The following RAB31 variants were observed in gnomAD, a reference collection of about 807,000 sequenced individuals.
RAB31 encodes ras-related protein Rab-31.
A neutral mutation model predicts 25.6 loss-of-function variants in RAB31; 21 were observed. The observed-to-expected ratio is 0.82, with a 90% CI of 0.58 to 1.18. RAB31 has a LOEUF of 1.18. RAB31 is among the 50% of genes most tolerant of loss of function. The pLI, the probability that RAB31 is intolerant of heterozygous loss-of-function variation, is 0.00. For synonymous variants in RAB31, 87 were observed against 84.0 expected (o/e 1.04, Z -0.20); for missense variants, 196 against 250.1 (o/e 0.78, Z 1.46).
chr18:9,859,345 G>C lies in RAB31; in HGVS notation c.*20G>C. ...TGTTGACCCAAGGGCCGTGGTCCAC[G>C]GTACTTGAAGAAGCCAGAGCCCACA... is the stretch of plus-strand genomic sequence containing the variant. On this transcript the variant is annotated 3_prime_UTR_variant, in exon 7 of 7. Transcript: ENST00000578921. 1.3e-6 allele frequency: 2 copies of C among 1,588,746 alleles called. No individual in the cohort carries two copies. The highest frequency in any genetic ancestry group is 1.3e-5 in the African/African-American group (1 of 74,300).
intron 1 of RAB31, among the ~76,000 whole-genome samples, chr18:9,772,648 TG>T (rs951870008): frequency 4.6e-5 from 7 of 152,146 alleles, no homozygotes; most frequent in African/African-American, 1.7e-4. Flanking sequence ...ATTCCTAAAC[TG>T]TGATGGAGAA....
At chr18:9,743,880 T>C (rs1467893440) in intron 1 of RAB31, among the ~76,000 whole-genome samples, 1 of 152,212 alleles carries the variant, frequency 6.6e-6, no homozygotes, top group Admixed American at 6.5e-5. Flanking sequence ...TCTGTGCCTG[T>C]TGGGAAGATG....
chr18:9,826,057 C>T (rs996246661), intron 5 of RAB31, among the ~76,000 whole-genome samples: 4 of 152,212 alleles, frequency 2.6e-5, no homozygotes, highest in Middle Eastern at 3.4e-3. Context: ...AACCTGCACA[C>T]GTACCCCTCT....
At chr18:9,711,980 A>G (rs980918598) in intron 1 of RAB31, among the ~76,000 whole-genome samples, 2 of 151,814 alleles carry the variant, frequency 1.3e-5, no homozygotes, top group Non-Finnish European at 2.9e-5. Context: ...CCTGCTGGTC[A>G]CTCTTTGCTG....
chr18:9,838,529 T>C (rs1485519804), intron 5 of RAB31, among the ~76,000 whole-genome samples: 1 of 152,104 alleles, frequency 6.6e-6, no homozygotes, highest in Non-Finnish European at 1.5e-5. Context: ...TGTCTTCTAT[T>C]CCCCCAGCCA....
At chr18:9,762,523 G>C (rs1001768466) in intron 1 of RAB31, among the ~76,000 whole-genome samples, 1 of 152,140 alleles carries the variant, frequency 6.6e-6, no homozygotes, top group Admixed American at 6.5e-5. Context: ...AAAAAGACAG[G>C]TGCTTCCTTG....
intron 6 of RAB31, among the ~76,000 whole-genome samples, chr18:9,858,324 A>G (rs1287517594): frequency 6.6e-6 from 1 of 152,314 alleles, no homozygotes; most frequent in East Asian, 1.9e-4. Context: ...AATCTTTGAA[A>G]ACTGGGAGCT....
chr18:9,783,311 C>A (rs944067332), intron 2 of RAB31, among the ~76,000 whole-genome samples: 1 of 152,170 alleles, frequency 6.6e-6, no homozygotes, highest in Non-Finnish European at 1.5e-5. Context: ...GCTTCCTCTT[C>A]CTGGTTAGGC....
At chr18:9,816,828 T>C (rs375725461) in intron 5 of RAB31, among the ~76,000 whole-genome samples, 3 of 152,248 alleles carry the variant, frequency 2.0e-5, no homozygotes, top group East Asian at 3.8e-4. Flanking sequence ...TTCTAGTCGT[T>C]GATTTTCATA....
In RAB31 at chr18:9,859,244, C is replaced by T; in HGVS notation, c.507C>T (p.Pro169=). The change falls in exon 7 of 7, where the codon CCC becomes CCT. Residue 169 remains proline, a synonymous_variant. Transcript: ENST00000578921. ...LFQGISRQIP[P]LDPHENGNNG... is the part of the protein sequence containing the mutation. Reference sequence around the variant, plus strand: ...TTGTTGCAGGCCGCCAGATCCCACCCTTGGACCCCCATGAAAATGGAAACA... The same window carrying T: ...TTGTTGCAGGCCGCCAGATCCCACCTTTGGACCCCCATGAAAATGGAAACA... The T allele has an allele frequency of 1.2e-6, 2 of 1,613,792 alleles. No homozygotes were observed. Among genetic ancestry groups the T allele is most frequent in the Non-Finnish European group, 1.7e-6 (2 of 1,179,710 alleles).
chr18:9,814,194 C>T, intron 4 of RAB31, 103 bp downstream of exon 4: 2 of 787,304 alleles, frequency 2.5e-6, no homozygotes, highest in Admixed American at 2.1e-5. Context: ...CAGTAGCGTG[C>T]CACTATATAT....
At chr18:9,820,575 G>T (rs1418256395) in intron 5 of RAB31, among the ~76,000 whole-genome samples, 1 of 152,028 alleles carries the variant, frequency 6.6e-6, no homozygotes, top group Non-Finnish European at 1.5e-5. Flanking sequence ...GTGAAGGATT[G>T]ATGTCATTTC....
At chr18:9,837,905 A>G (rs1463173377) in intron 5 of RAB31, among the ~76,000 whole-genome samples, 1 of 152,186 alleles carries the variant, frequency 6.6e-6, no homozygotes, top group Middle Eastern at 3.2e-3. Flanking sequence ...TCTCCTGGGC[A>G]TAAAATGAAG....
At chr18:9,849,489 TATATA>T (rs1304248579) in intron 6 of RAB31, 1 of 152,250 alleles carries the variant, frequency 6.6e-6, no homozygotes, top group African/African-American at 2.4e-5. Flanking sequence ...TATTCACAAA[TATATA>T]CTGTACTCTT....
intron 5 of RAB31, chr18:9,816,109 C>T (rs2068597926): frequency 1.5e-5 from 2 of 134,094 alleles, no homozygotes; most frequent in African/African-American, 6.8e-5. Context: ...TCCTCCATCC[C>T]TGAGTGTCAT....
intron 6 of RAB31, among the ~76,000 whole-genome samples, chr18:9,847,879 T>G (rs2068769552): frequency 6.6e-6 from 1 of 152,134 alleles, no homozygotes; most frequent in Non-Finnish European, 1.5e-5. Flanking sequence ...TGGCTTGTAG[T>G]AATAACTTAA....
intron 1 of RAB31, among the ~76,000 whole-genome samples, chr18:9,723,903 C>T (rs1432587283): frequency 6.6e-6 from 1 of 152,200 alleles, no homozygotes; most frequent in African/African-American, 2.4e-5. Context: ...AACGCTATTA[C>T]ACTGGTGATC....
chr18:9,749,137 T>G (rs1019425358), intron 1 of RAB31, among the ~76,000 whole-genome samples: 1 of 152,218 alleles, frequency 6.6e-6, no homozygotes, highest in African/African-American at 2.4e-5. Context: ...TTGATATACC[T>G]TGAAGCCTTT....
intron 6 of RAB31, among the ~76,000 whole-genome samples, chr18:9,850,135 G>A (rs1461874673): frequency 6.6e-6 from 1 of 152,196 alleles, no homozygotes; most frequent in Non-Finnish European, 1.5e-5. Context: ...GATGGGGAAT[G>A]AGGAAGACAG....
Sources: allele counts gnomAD v4.1 joint callset (sites outside exome capture counted in the v4.1 genomes callset), GRCh38; gene constraint gnomAD v4.1.1; transcripts MANE v1.5; gene names NCBI Gene and HGNC (gene_info 2026-07-23, HGNC 2026-07-21).